Variants in ATP10B observed in about 807,000 individuals in gnomAD.
The protein encoded by ATP10B is ATPase phospholipid transporting 10B (putative).
ATP10B carries 122 observed loss-of-function variants against 141.2 expected under a neutral mutation model. That is an observed-to-expected ratio of 0.86 (90% CI 0.75 to 1.00). The LOEUF (loss-of-function observed/expected upper bound fraction) is 1.00. Among genes scored for constraint, ATP10B ranks in the 50% least tolerant of loss-of-function variants. The probability of loss-of-function intolerance (pLI) is 0.00; values close to 1 mark genes in which losing one functional copy is unlikely to be tolerated. For synonymous variants in ATP10B, 685 were observed against 692.0 expected, an observed-to-expected ratio of 0.99 and a Z score of 0.16; for missense variants, 1,876 against 1,825.3, an observed-to-expected ratio of 1.03 and a Z score of -0.51.
chr5:160,920,002 C>G, the ATP10B span, among the ~76,000 whole-genome samples: 75 of 152,280 alleles, frequency 4.9e-4, no homozygotes, highest in African/African-American at 1.7e-3. Context: ...AGGTAGAACT[C>G]GAGTTCCTGA....
intron 7 of ATP10B, among the ~76,000 whole-genome samples, chr5:160,656,918 A>T (rs568834645): frequency 2.0e-5 from 3 of 152,280 alleles, no homozygotes; most frequent in East Asian, 3.9e-4. Context: ...TACCAAAAAG[A>T]CGAGTTGGAT....
intron 11 of ATP10B, among the ~76,000 whole-genome samples, chr5:160,635,870 C>T (rs981402620): frequency 9.2e-5 from 14 of 152,164 alleles, no homozygotes; most frequent in Non-Finnish European, 4.4e-5. Flanking sequence ...CTAGATCATT[C>T]ATGTTTTATC....
At chr5:160,879,608 G>C in the ATP10B span, among the ~76,000 whole-genome samples, 2 of 151,622 alleles carry the variant, frequency 1.3e-5, no homozygotes, top group African/African-American at 2.4e-5. Flanking sequence ...GGAGGCCAAG[G>C]TGGGTGGACG....
Position 160,622,537 on chromosome 5 carries a change from C to A in ATP10B, c.1669G>T (p.Ala557Ser), listed in dbSNP as rs1725616693. ...DKNLLTKVRDAALWLETLSDS... is the reference protein window; with the variant it reads ...DKNLLTKVRDSALWLETLSDS... Reference sequence around the variant, plus strand: ...GACAAGGTCTCCAACCACAGGGCAGCATCTCGAACCTTGGTCAGTAGGTTT... The same window carrying A: ...GACAAGGTCTCCAACCACAGGGCAGAATCTCGAACCTTGGTCAGTAGGTTT... The change falls in exon 14 of 26, where the codon GCT becomes TCT. Residue 557 changes from alanine to serine, a missense_variant. Transcript: ENST00000327245. 2.5e-6 allele frequency: 4 copies of A among 1,613,944 alleles called. No homozygotes were observed. The highest frequency in any genetic ancestry group is 1.1e-5 in the South Asian group (1 of 91,020).
At chr5:160,853,922 T>C (rs1488529511), upstream of ATP10B, among the ~76,000 whole-genome samples, 1 of 152,188 alleles carries the variant, frequency 6.6e-6, no homozygotes, top group Non-Finnish European at 1.5e-5. Flanking sequence ...CAGCAGGCAA[T>C]CTTTCTACAC....
intron 2 of ATP10B, among the ~76,000 whole-genome samples, chr5:160,782,969 A>G (rs1770829869): frequency 6.6e-6 from 1 of 152,134 alleles, no homozygotes; most frequent in Non-Finnish European, 1.5e-5. Flanking sequence ...ATATATTACA[A>G]ATTACATATA....
chr5:160,721,110 G>C (rs1765970460), intron 2 of ATP10B, among the ~76,000 whole-genome samples: 1 of 152,160 alleles, frequency 6.6e-6, no homozygotes, highest in Non-Finnish European at 1.5e-5. Flanking sequence ...GGCCTTCATA[G>C]GTTGGAGACT....
At chr5:160,924,132 G>T in the ATP10B span, among the ~76,000 whole-genome samples, 2 of 152,230 alleles carry the variant, frequency 1.3e-5, no homozygotes, top group Non-Finnish European at 2.9e-5. Flanking sequence ...AAGTGAGGCA[G>T]GTTTGTCCCC....
chr5:160,659,839 C>T (rs1290392310), intron 7 of ATP10B, among the ~76,000 whole-genome samples: 1 of 152,158 alleles, frequency 6.6e-6, no homozygotes, highest in African/African-American at 2.4e-5. Context: ...AATAAAACTA[C>T]ATCTAAAGAA....
intron 9 of ATP10B, among the ~76,000 whole-genome samples, chr5:160,643,669 C>A (rs1050046177): frequency 2.0e-5 from 3 of 152,142 alleles, no homozygotes; most frequent in East Asian, 1.9e-4. Context: ...ACCCACTGAG[C>A]CCTCTCTTTG....
the ATP10B span, among the ~76,000 whole-genome samples, chr5:160,879,960 G>A: frequency 6.6e-6 from 1 of 151,886 alleles, no homozygotes; most frequent in African/African-American, 2.4e-5. Flanking sequence ...CAATAGTCAA[G>A]TGGAATTTGA....
At chr5:160,928,947 C>G in the ATP10B span, among the ~76,000 whole-genome samples, 1 of 152,294 alleles carries the variant, frequency 6.6e-6, no homozygotes, top group East Asian at 1.9e-4. Context: ...GAGCTATCAC[C>G]ATTATCATCT....
intron 3 of ATP10B, among the ~76,000 whole-genome samples, chr5:160,692,118 T>A (rs1764108599): frequency 6.6e-6 from 1 of 152,194 alleles, no homozygotes; most frequent in African/African-American, 2.4e-5. Context: ...GGAAATGTAG[T>A]TATTTTCGGT....
intron 1 of ATP10B, among the ~76,000 whole-genome samples, chr5:160,823,998 C>T (rs774014788): frequency 3.9e-5 from 6 of 152,034 alleles, no homozygotes; most frequent in Non-Finnish European, 8.8e-5. Flanking sequence ...GTCATATTTC[C>T]AGTATTAGAC....
intron 24 of ATP10B, 102 bp from the exon 25 acceptor site, chr5:160,569,785 T>A: frequency 1.0e-6 from 1 of 965,832 alleles, no homozygotes; most frequent in Non-Finnish European, 1.5e-6. Flanking sequence ...ATTTTTGAAA[T>A]GCAAAACACA....
Position 160,852,060 on chromosome 5 carries a change from A to G in ATP10B, c.-695T>C, listed in dbSNP as rs1258667024. On this transcript the variant is annotated 5_prime_UTR_variant, in exon 1 of 26. An upstream start codon of the reference 5' UTR is lost. Transcript: ENST00000327245. The stretch of plus-strand genomic sequence containing the variant: ...AGTTCTCTTTCCTATGGAATTTTTC[A>G]TTTTTCTGATTATATCTGATTATGT... 1.3e-5 allele frequency: 2 copies of G among 152,124 alleles called. No individual in the cohort carries two copies. The highest frequency in any genetic ancestry group is 1.9e-4 in the East Asian group (1 of 5,194). 9.4% of individuals were successfully genotyped at this position (152,124 alleles called of 1,614,324 possible).
chr5:160,746,371 G>C (rs540807295), intron 2 of ATP10B, among the ~76,000 whole-genome samples: 1 of 151,464 alleles, frequency 6.6e-6, no homozygotes, highest in African/African-American at 2.4e-5. Context: ...ACAAGTGGCT[G>C]AGGTCTCTTA....
At chr5:160,820,472 AC>A (rs1392876528) in intron 1 of ATP10B, among the ~76,000 whole-genome samples, 6 of 152,260 alleles carry the variant, frequency 3.9e-5, no homozygotes, top group Middle Eastern at 6.8e-3. Flanking sequence ...TTAAAGAAGA[AC>A]TAGTATCAAT....
At chr5:160,660,436 T>A (rs1288550496) in intron 7 of ATP10B, among the ~76,000 whole-genome samples, 1 of 152,176 alleles carries the variant, frequency 6.6e-6, no homozygotes, top group Non-Finnish European at 1.5e-5. Flanking sequence ...TTTAAAACCA[T>A]GAGTTCATAT....
Sources: allele counts gnomAD v4.1 joint callset (sites outside exome capture counted in the v4.1 genomes callset), GRCh38; gene constraint gnomAD v4.1.1; transcripts MANE v1.5; gene names NCBI Gene and HGNC (gene_info 2026-07-23, HGNC 2026-07-21).